SAMD5: variants seen among roughly 807,000 people sequenced by gnomAD.
SAMD5 encodes sterile alpha motif domain-containing protein 5.
Under a neutral mutation model 11.3 loss-of-function variants are expected in SAMD5, and 13 were observed. The observed-to-expected ratio is 1.15, with a 90% confidence interval of 0.75 to 1.83. The LOEUF (loss-of-function observed/expected upper bound fraction) is 1.83, where lower values mean the gene tolerates loss of function less well. Ranked by LOEUF, SAMD5 falls within the 40% of genes most tolerant of loss-of-function variation. The pLI is 0.00. For missense variants in SAMD5, 255 were observed against 239.1 expected, an observed-to-expected ratio of 1.07 and a Z score of -0.44; for synonymous variants, 129 against 111.3, an observed-to-expected ratio of 1.16 and a Z score of -1.00.
At chr6:147,827,966 ATT>A in the SAMD5 span, among the ~76,000 whole-genome samples, 1 of 142,770 alleles carries the variant, frequency 7.0e-6, no homozygotes. Flanking sequence ...ATTTTTCTGT[ATT>A]TTTTTTTTTT....
chr6:147,515,705 T>A (rs1173198759), intron 1 of SAMD5, among the ~76,000 whole-genome samples: 1 of 150,642 alleles, frequency 6.6e-6, no homozygotes, highest in Non-Finnish European at 1.5e-5. Context: ...TAGACAGACA[T>A]GGTCTCTGCT....
At chr6:147,674,978 T>C (rs1351798631) in intron 1 of SAMD5, among the ~76,000 whole-genome samples, 1 of 152,192 alleles carries the variant, frequency 6.6e-6, no homozygotes, top group African/African-American at 2.4e-5. Flanking sequence ...ATGGCAGACA[T>C]CAATAATTGA....
the SAMD5 span, among the ~76,000 whole-genome samples, chr6:147,754,946 C>T: frequency 6.6e-6 from 1 of 152,228 alleles, no homozygotes; most frequent in South Asian, 2.1e-4. Flanking sequence ...CAGTACCATG[C>T]TGTTTTGATT....
intron 1 of SAMD5, among the ~76,000 whole-genome samples, chr6:147,593,548 C>T (rs1789486816): frequency 6.6e-6 from 1 of 152,170 alleles, no homozygotes. Context: ...AATGCCCCAG[C>T]TGTGTATTGA....
chr6:147,867,386 A>G, the SAMD5 span, among the ~76,000 whole-genome samples: 1 of 151,994 alleles, frequency 6.6e-6, no homozygotes, highest in Non-Finnish European at 1.5e-5. Flanking sequence ...GACTTGGTGA[A>G]AAATCAGAAA....
the SAMD5 span, among the ~76,000 whole-genome samples, chr6:147,822,042 C>T: frequency 2.6e-5 from 4 of 152,114 alleles, no homozygotes; most frequent in African/African-American, 9.7e-5. Context: ...TATTGATTTG[C>T]ACCATATCTA....
intron 1 of SAMD5, among the ~76,000 whole-genome samples, chr6:147,557,979 C>T (rs1583081909): frequency 6.6e-6 from 1 of 152,098 alleles, no homozygotes; most frequent in Non-Finnish European, 1.5e-5. Context: ...TAAAAGTGTA[C>T]GTTCACATCA....
the SAMD5 span, among the ~76,000 whole-genome samples, chr6:147,749,132 G>T: frequency 6.6e-6 from 1 of 150,644 alleles, no homozygotes; most frequent in Non-Finnish European, 1.5e-5. Flanking sequence ...CCAAGTTTTT[G>T]ATAGGAAATG....
At chr6:147,912,829 C>T in the SAMD5 span, among the ~76,000 whole-genome samples, 5 of 150,354 alleles carry the variant, frequency 3.3e-5, no homozygotes, top group South Asian at 1.0e-3. Flanking sequence ...TCCAAAAGAA[C>T]ATAGGCTATA....
At chr6:147,779,641 A>G in the SAMD5 span, among the ~76,000 whole-genome samples, 2 of 152,144 alleles carry the variant, frequency 1.3e-5, no homozygotes, top group Non-Finnish European at 2.9e-5. Context: ...GATTACAGGC[A>G]TAGACGCTCA....
At chr6:147,737,498 G>A in exon 2 of SAMD5, 1 of 336,840 alleles carries the variant, frequency 3.0e-6, no homozygotes, top group Non-Finnish European at 6.0e-6. Flanking sequence ...GGCAGTGTTT[G>A]TATGATGGCA....
In SAMD5 at chr6:147,569,775, T is replaced by C. The variant is rs1051315974; in HGVS notation, c.*5319T>C. 1.0e-6 allele frequency: 1 copy of C among 985,326 alleles called. No individual in the cohort carries two copies. The highest frequency in any genetic ancestry group is 6.2e-5 in the Admixed American group (1 of 16,258). The allele number at this position is 985,326 out of a possible 1,614,324, so 61.0% of individuals were successfully genotyped here. ...GTGCATGGGCCTTGGAAAATCTACA[T>C]GTGTATATCTGAGTAGCGAAGCACA... On this transcript the variant is annotated 3_prime_UTR_variant, in exon 2 of 2. Coordinates refer to ENST00000367474, the MANE Select transcript of SAMD5 (RefSeq NM_001030060.3).
intron 1 of SAMD5, among the ~76,000 whole-genome samples, chr6:147,609,603 G>A (rs530504597): frequency 6.6e-6 from 1 of 152,116 alleles, no homozygotes; most frequent in African/African-American, 2.4e-5. Flanking sequence ...AGGCTGGAGT[G>A]CACTGGTACA....
At position 147,722,060 on chromosome 6, in the gene SAMD5, A is replaced by C. The variant is rs550587701; in HGVS notation, c.163-15257A>C. On this transcript the variant is annotated intron_variant, in intron 1 of 1. Coordinates refer to the SAMD5 transcript ENST00000566741. ...TTCCTGTGAATAGAGAAATGCAGAA[A>C]ATTTATGCCAATATGCCTATTTTTA... Among the ~76,000 whole-genome samples the C allele has an allele frequency of 1.2e-4, 19 of 152,322 alleles. No homozygotes were observed. In the South Asian group the frequency reaches 3.9e-3, roughly 32 times the overall value.
chr6:147,933,608 G>A, the SAMD5 span, among the ~76,000 whole-genome samples: 1 of 151,738 alleles, frequency 6.6e-6, no homozygotes, highest in Non-Finnish European at 1.5e-5. Flanking sequence ...TTAGACTGAG[G>A]TGTTGTTTTA....
In SAMD5 at chr6:147,564,305, C is replaced by T. The variant is rs571987275; in HGVS notation, c.460-89C>T. On this transcript the variant is annotated intron_variant, in intron 1 of 1. Transcript: ENST00000367474. ...GGTAAGCAGAAAGGGACAAGAATGA[C>T]TTAAAAATAGGAGCAGAAATCCATG... 342 of 745,476 alleles carry T rather than the reference C, an allele frequency of 4.6e-4. 5 individuals are homozygous for T. The African/African-American group carries it at 5.2e-3, about 11-fold the overall frequency. 46.2% of individuals were successfully genotyped at this position (745,476 alleles called of 1,614,324 possible).
chr6:147,725,642 G>C (rs1791615833), intron 1 of SAMD5, among the ~76,000 whole-genome samples: 1 of 152,130 alleles, frequency 6.6e-6, no homozygotes, highest in South Asian at 2.1e-4. Context: ...ACCCGCCTTG[G>C]CCTCCCAAAG....
At chr6:147,705,708 G>A (rs1791316511) in intron 1 of SAMD5, among the ~76,000 whole-genome samples, 1 of 152,180 alleles carries the variant, frequency 6.6e-6, no homozygotes, top group South Asian at 2.1e-4. Flanking sequence ...TTCCTTAGGG[G>A]AGCTTTTGTT....
chr6:147,661,060 C>A (rs6941996), intron 1 of SAMD5, among the ~76,000 whole-genome samples: 2,334 of 152,208 alleles, frequency 0.015, 57 homozygotes, highest in African/African-American at 0.054. Flanking sequence ...ATATAAATCT[C>A]CATATTGGCT....
Sources: gnomAD v4.1 joint callset for allele counts (sites outside exome capture counted in the v4.1 genomes callset) on GRCh38, gnomAD v4.1.1 for gene constraint, MANE v1.5 for transcripts, NCBI Gene and HGNC (gene_info 2026-07-23, HGNC 2026-07-21) for gene names.